The following CENATAC variants were observed in gnomAD, a reference collection of about 807,000 sequenced individuals.
The protein encoded by CENATAC is centrosomal AT-AC splicing factor, also known as coiled-coil domain containing 84.
In CENATAC, 53 loss-of-function variants were observed where a neutral mutation model predicts 53.7. The ratio of observed to expected loss-of-function variants is 0.99; its 90% CI spans 0.79 to 1.24. The LOEUF (loss-of-function observed/expected upper bound fraction) is 1.24. Among genes scored for constraint, CENATAC ranks in the 50% most tolerant of loss-of-function variants. The pLI, the probability that CENATAC is intolerant of heterozygous loss-of-function variation, is 0.00. For synonymous variants in CENATAC, 156 were observed against 144.6 expected, an observed-to-expected ratio of 1.08 and a Z score of -0.57; for missense variants, 474 against 417.8, an observed-to-expected ratio of 1.13 and a Z score of -1.17.
At chr11:119,009,548 C>T (rs1942770295) in intron 3 of CENATAC, 1 of 152,180 alleles carries the variant, frequency 6.6e-6, no homozygotes. Context: ...TGATGACAAC[C>T]TCCTAGGGGA....
chr11:119,014,745 C>T, intron 8 of CENATAC: 1 of 317,998 alleles, frequency 3.1e-6, no homozygotes, highest in Non-Finnish European at 5.7e-6. Context: ...TGGCTTCGCT[C>T]AAAAGTCACC....
chr11:119,006,920 C>T (rs962455340), intron 3 of CENATAC, among the ~76,000 whole-genome samples: 1 of 152,234 alleles, frequency 6.6e-6, no homozygotes, highest in Non-Finnish European at 1.5e-5. Flanking sequence ...TGGCCTGCCA[C>T]CATGAGACAT....
intron 8 of CENATAC, among the ~76,000 whole-genome samples, chr11:119,013,673 C>T (rs1370351485): frequency 2.0e-5 from 3 of 151,896 alleles, no homozygotes; most frequent in African/African-American, 4.8e-5. Flanking sequence ...CCGTTTTAGC[C>T]GGGATGGTCT....
Position 119,011,207 on chromosome 11 carries a change from C to G in CENATAC, c.451-14C>G. 6.2e-7 allele frequency: 1 copy of G among 1,612,456 alleles called. No individual in the cohort carries two copies. The highest frequency in any genetic ancestry group is 1.1e-5 in the South Asian group (1 of 91,016). On this transcript the variant is annotated splice_polypyrimidine_tract_variant and intron_variant, in intron 4 of 10. Coordinates refer to ENST00000334418, the MANE Select transcript of CENATAC (RefSeq NM_198489.3). Reference sequence around the variant, plus strand: ...CATGATCCTGTACCTGTCTAAGCAGCCTCTCTCCCACAGATGGCAGCTCAG... The same window carrying G: ...CATGATCCTGTACCTGTCTAAGCAGGCTCTCTCCCACAGATGGCAGCTCAG...
Position 118,998,171 on chromosome 11 carries a change from G to T in CENATAC, c.-27G>T, listed in dbSNP as rs1253421650. On this transcript the variant is annotated 5_prime_UTR_variant, in exon 1 of 11. Transcript: ENST00000334418. ...CCGGATGGCGTAGGATCGGCCGCTG[G>T]TGGTGGTGATACCGGGTACCCGGGC... The T allele has an allele frequency of 2.6e-6, 4 of 1,566,410 alleles. No homozygotes were observed. The highest frequency in any genetic ancestry group is 3.5e-6 in the Non-Finnish European group (4 of 1,158,620).
Position 119,015,350 on chromosome 11 carries a change from G to A in CENATAC, c.849G>A (p.Gly283=), listed in dbSNP as rs148253181. The part of the protein sequence containing the change: ...KLKKLPPDRV[G]ANFDHSSRTS... ...AAAAACTCCCCCCAGACCGAGTTGG[G>A]GCCAACTTTGATCACAGCTCCAGGA... Residue 283 remains glycine, a synonymous_variant, in exon 10 of 11, where the codon GGG becomes GGA. Coordinates refer to ENST00000334418, the MANE Select transcript of CENATAC (RefSeq NM_198489.3). 6.2e-7 allele frequency: 1 copy of A among 1,614,090 alleles called. No individual in the cohort carries two copies. The highest frequency in any genetic ancestry group is 2.2e-5 in the East Asian group (1 of 44,886).
chr11:119,015,753 T>C lies in CENATAC; in HGVS notation c.*155T>C. The C allele has an allele frequency of 8.0e-7, 1 of 1,255,562 alleles. No homozygotes were observed. The highest frequency in any genetic ancestry group is 1.2e-6 in the Non-Finnish European group (1 of 868,938). 77.8% of individuals were successfully genotyped at this position (1,255,562 alleles called of 1,614,324 possible). A position where few individuals can be genotyped will look rare whatever the true frequency, so the allele number is the denominator to read the frequency against. On this transcript the variant is annotated 3_prime_UTR_variant, in exon 11 of 11. Coordinates refer to ENST00000334418, the MANE Select transcript of CENATAC (RefSeq NM_198489.3). ...TTTATTTTTCCAAATGTACAGCTGG[T>C]TGGACCTGTAAAAAAAAATTAAAAG...
intron 3 of CENATAC, among the ~76,000 whole-genome samples, chr11:119,008,130 G>A (rs1028738649): frequency 6.6e-6 from 1 of 152,168 alleles, no homozygotes; most frequent in Admixed American, 6.6e-5. Flanking sequence ...CTCCACACCT[G>A]TGGGTATTTC....
At chr11:119,008,442 A>T (rs2134552777) in intron 3 of CENATAC, among the ~76,000 whole-genome samples, 1 of 152,074 alleles carries the variant, frequency 6.6e-6, no homozygotes, top group Non-Finnish European at 1.5e-5. Flanking sequence ...GGCCAGACTT[A>T]TGTTTCTCTC....
In CENATAC at chr11:119,006,075, A is replaced by ATTTTTTT. The variant is rs564551696; in HGVS notation, c.384-4665_384-4659dup. 19 of 58,508 alleles carry ATTTTTTT rather than the reference A, an allele frequency of 3.2e-4. 1 individual carries two copies. The highest frequency in any genetic ancestry group is 1.2e-3 in the African/African-American group (16 of 13,454). The allele number at this position is 58,508 out of a possible 1,614,324, so 3.6% of individuals were successfully genotyped here. ...TGCCTTGGCCTTCAGAGTAGGCAGG[A>ATTTTTTT]TTTTTTTTTTTTTTTTTTTTTTTTT... On this transcript the variant is annotated intron_variant, in intron 3 of 10. Coordinates refer to ENST00000334418, the MANE Select transcript of CENATAC (RefSeq NM_198489.3).
Position 119,006,075 on chromosome 11 carries a change from A to ATTTTTTTTTTTTTTTTTT in CENATAC, c.384-4676_384-4659dup, listed in dbSNP as rs564551696. 2 of 58,510 alleles carry ATTTTTTTTTTTTTTTTTT rather than the reference A, an allele frequency of 3.4e-5. 1 individual carries two copies. Among genetic ancestry groups the ATTTTTTTTTTTTTTTTTT allele is most frequent in the African/African-American group, 1.5e-4 (2 of 13,456 alleles). 3.6% of individuals were successfully genotyped at this position (58,510 alleles called of 1,614,324 possible). A position where few individuals can be genotyped will look rare whatever the true frequency, so the allele number is the denominator to read the frequency against. On this transcript the variant is annotated intron_variant, in intron 3 of 10. Transcript: ENST00000334418. ...TGCCTTGGCCTTCAGAGTAGGCAGGATTTTTTTTTTTTTTTTTTTTTTTTT... is the reference window on the plus strand; with the variant it reads ...TGCCTTGGCCTTCAGAGTAGGCAGGATTTTTTTTTTTTTTTTTTTTTTTTTTTTTTTTTTTTTTTTTTT...
chr11:119,014,866 G>T (rs554739440), intron 8 of CENATAC, 128 bp from the exon 9 acceptor site: 2 of 609,314 alleles, frequency 3.3e-6, no homozygotes, highest in East Asian at 2.9e-5. Flanking sequence ...TAAAGCTCCA[G>T]AATTCCTGGG....
chr11:119,008,760 C>T (rs1942729820), intron 3 of CENATAC, among the ~76,000 whole-genome samples: 2 of 152,202 alleles, frequency 1.3e-5, no homozygotes, highest in African/African-American at 4.8e-5. Context: ...GGAGAGAAAC[C>T]TTGGACAATA....
rs1170031319 is a variant in CENATAC at position 119,015,621 on chromosome 11, T to C, written c.*23T>C. The C allele has an allele frequency of 3.1e-6, 5 of 1,613,638 alleles. No individual in the cohort carries two copies. In the South Asian group the frequency reaches 3.3e-5, roughly 11 times the overall value. ...TAATCATGCTCTCTACCAACTACCA[T>C]GAGGCTAAAAGCAAAGTCAACAAAC... On this transcript the variant is annotated 3_prime_UTR_variant, in exon 11 of 11. Transcript: ENST00000334418.
intron 8 of CENATAC, among the ~76,000 whole-genome samples, 200 bp downstream of exon 8, chr11:119,013,462 ATTTT>A (rs34471457): frequency 0.045 from 5,692 of 126,630 alleles, 421 homozygotes; most frequent in African/African-American, 0.16. Flanking sequence ...CACCCAGCTA[ATTTT>A]TTTTTTTTTT....
At chr11:119,007,552 C>A (rs978156473) in intron 3 of CENATAC, among the ~76,000 whole-genome samples, 5 of 152,076 alleles carry the variant, frequency 3.3e-5, no homozygotes, top group Non-Finnish European at 5.9e-5. Flanking sequence ...TGCCATGATA[C>A]AATGACAGCT....
chr11:118,998,492 G>A lies in CENATAC; in HGVS notation c.183G>A (p.Glu61=), dbSNP rs1472248559. 4 of 1,613,186 alleles carry A rather than the reference G, an allele frequency of 2.5e-6. No individual in the cohort carries two copies. The African/African-American group carries it at 5.3e-5, about 22-fold the overall frequency. The change falls in exon 2 of 11, where the codon GAG becomes GAA. Residue 61 remains glutamate (E), a synonymous_variant. Transcript: ENST00000334418. ...TGGAGCGCTATGTGCCCGAACACGA[G>A]CGATGCTGCTGGTGCCTGTGCTGCG... The part of the protein sequence containing the change: ...AQVERYVPEH[E]RCCWCLCCGC...
At chr11:119,000,437 CT>C (rs138391837) in intron 3 of CENATAC, among the ~76,000 whole-genome samples, 37,578 of 131,932 alleles carry the variant, frequency 0.28, 5,164 homozygotes, top group African/African-American at 0.37. Flanking sequence ...CATGAATTTC[CT>C]TTTTTTTTTT....
intron 3 of CENATAC, among the ~76,000 whole-genome samples, chr11:119,006,632 G>C (rs1942613993): frequency 6.6e-6 from 1 of 152,224 alleles, no homozygotes; most frequent in Non-Finnish European, 1.5e-5. Context: ...GCCTCCCAAA[G>C]TACTGGGATT....
Sources: gnomAD v4.1 joint callset for allele counts (sites outside exome capture counted in the v4.1 genomes callset) on GRCh38, gnomAD v4.1.1 for gene constraint, MANE v1.5 for transcripts, NCBI Gene and HGNC (gene_info 2026-07-23, HGNC 2026-07-21) for gene names.